DPP10: variants seen among roughly 807,000 people sequenced by gnomAD.
DPP10 encodes the protein inactive dipeptidyl peptidase 10.
A neutral mutation model predicts 120.9 loss-of-function variants in DPP10; 33 were observed. The ratio of observed to expected loss-of-function variants is 0.27; its 90% CI spans 0.21 to 0.37. The LOEUF is 0.37. DPP10 is among the 10% of genes least tolerant of loss of function. The pLI is 1.00. For missense variants in DPP10, 816 were observed against 942.8 expected, an observed-to-expected ratio of 0.87 and a Z score of 1.76; for synonymous variants, 337 against 326.1, an observed-to-expected ratio of 1.03 and a Z score of -0.36.
At chr2:115,325,430 A>G (rs1001077769) in intron 2 of DPP10, among the ~76,000 whole-genome samples, 12 of 152,274 alleles carry the variant, frequency 7.9e-5, no homozygotes, top group African/African-American at 2.2e-4. Context: ...ACATCTTTTG[A>G]GACTTGAATA....
intron 5 of DPP10, among the ~76,000 whole-genome samples, chr2:115,685,033 A>G (rs2090906442): frequency 6.6e-6 from 1 of 151,984 alleles, no homozygotes; most frequent in South Asian, 2.1e-4. Context: ...GATTGTAATC[A>G]GGCAGATCTT....
intron 1 of DPP10, among the ~76,000 whole-genome samples, chr2:114,530,486 G>A (rs924680818): frequency 1.3e-4 from 20 of 152,098 alleles, no homozygotes; most frequent in African/African-American, 4.8e-4. Context: ...TGAGGAGTTT[G>A]GGAATAAACA....
At chr2:114,553,076 T>A (rs1688015391) in intron 1 of DPP10, among the ~76,000 whole-genome samples, 1 of 152,258 alleles carries the variant, frequency 6.6e-6, no homozygotes, top group Admixed American at 6.5e-5. Flanking sequence ...TGATGTTGTT[T>A]AATTTCACTT....
intron 1 of DPP10, among the ~76,000 whole-genome samples, chr2:114,998,163 C>T (rs1574661065): frequency 6.6e-6 from 1 of 152,104 alleles, no homozygotes; most frequent in Non-Finnish European, 1.5e-5. Flanking sequence ...GTATTTTCAG[C>T]TTATTTTCTA....
In DPP10 at chr2:115,691,388, T is replaced by G. The variant is rs1398001798; in HGVS notation, c.576+1467T>G. On this transcript the variant is annotated intron_variant, in intron 7 of 25. Coordinates refer to ENST00000410059, the MANE Select transcript of DPP10 (RefSeq NM_020868.6). ...TTGATCCATCCATCTGAAATTGCTTTTTTTGGTATGGTATTAAGTCCCTAT... is the reference window on the plus strand; with the variant it reads ...TTGATCCATCCATCTGAAATTGCTTGTTTTGGTATGGTATTAAGTCCCTAT... 2.0e-5 allele frequency among the ~76,000 whole-genome samples: 3 copies of G among 152,308 alleles called. No homozygotes were observed. In the East Asian group the frequency reaches 5.8e-4, roughly 29 times the overall value.
At chr2:114,834,380 T>C (rs1486011942) in intron 1 of DPP10, among the ~76,000 whole-genome samples, 1 of 151,146 alleles carries the variant, frequency 6.6e-6, no homozygotes, top group African/African-American at 2.4e-5. Flanking sequence ...AAAAGACATA[T>C]CTACACACCT....
intron 1 of DPP10, among the ~76,000 whole-genome samples, chr2:115,036,962 C>G (rs1704265892): frequency 6.6e-6 from 1 of 152,072 alleles, no homozygotes; most frequent in Non-Finnish European, 1.5e-5. Context: ...CAGAGGAGGA[C>G]CAGGTGACTT....
intron 1 of DPP10, among the ~76,000 whole-genome samples, chr2:114,606,371 A>T (rs1558926619): frequency 1.3e-5 from 2 of 151,806 alleles, no homozygotes; most frequent in Admixed American, 6.6e-5. Flanking sequence ...CTACATGGAA[A>T]TTTTTTCTCT....
chr2:114,750,791 A>G (rs913602107), intron 1 of DPP10, among the ~76,000 whole-genome samples: 2 of 152,238 alleles, frequency 1.3e-5, no homozygotes, highest in African/African-American at 4.8e-5. Flanking sequence ...AAGGCTAACA[A>G]TAAAAATAAC....
At chr2:115,637,127 A>G (rs1488394294) in intron 5 of DPP10, among the ~76,000 whole-genome samples, 1 of 152,200 alleles carries the variant, frequency 6.6e-6, no homozygotes, top group African/African-American at 2.4e-5. Flanking sequence ...TATAATGTAA[A>G]CAGAAAAAAA....
intron 1 of DPP10, among the ~76,000 whole-genome samples, chr2:115,217,975 C>T (rs2056929535): frequency 6.6e-6 from 1 of 152,076 alleles, no homozygotes; most frequent in Non-Finnish European, 1.5e-5. Context: ...TGTGACCTTT[C>T]CTGTCATTAA....
At position 115,548,728 on chromosome 2, in the gene DPP10, T is replaced by G. The variant is rs75555778; in HGVS notation, c.441+22756T>G. 8.8e-3 allele frequency among the ~76,000 whole-genome samples: 1,342 copies of G among 152,248 alleles called. 30 individuals carry two copies. Among genetic ancestry groups the G allele is most frequent in the East Asian group, 0.049 (251 of 5,168 alleles). On this transcript the variant is annotated intron_variant, in intron 5 of 25. Transcript: ENST00000410059. The stretch of plus-strand genomic sequence containing the variant: ...ATAAACATCATAATGATGTTTGATA[T>G]GTCCATGATATAAACACATGTGAAA...
chr2:115,815,718 A>G lies in DPP10; in HGVS notation c.1939A>G (p.Ile647Val). ...LPYIDSKRLS[I>V]FGKGYGGYIA... Reference sequence around the variant, plus strand: ...TTACATTGACTCCAAAAGATTAAGCATTTTTGGAAAGGTAAATAGTAGAAA... The same window carrying G: ...TTACATTGACTCCAAAAGATTAAGCGTTTTTGGAAAGGTAAATAGTAGAAA... The change falls in exon 21 of 26, where the codon ATT (isoleucine) becomes GTT (valine). Residue 647 changes from isoleucine to valine, a missense_variant. Ile to Val is a conservative substitution (Grantham distance 29). Around this residue, in one of 3 missense-constraint regions of DPP10, gnomAD observed 592 missense variants for 649.0 expected, o/e 0.91. Coordinates refer to ENST00000410059, the MANE Select transcript of DPP10 (RefSeq NM_020868.6). The G allele has an allele frequency of 6.2e-7, 1 of 1,600,608 alleles. No homozygotes were observed.
intron 1 of DPP10, among the ~76,000 whole-genome samples, chr2:114,485,992 G>A (rs1383133806): frequency 6.6e-6 from 1 of 152,144 alleles, no homozygotes; most frequent in African/African-American, 2.4e-5. Context: ...AAGGTTGCTT[G>A]TACTCTCTGA....
At chr2:115,419,806 T>G (rs2069773117) in intron 3 of DPP10, among the ~76,000 whole-genome samples, 1 of 152,128 alleles carries the variant, frequency 6.6e-6, no homozygotes, top group African/African-American at 2.4e-5. Flanking sequence ...TAAAATATAT[T>G]TTAAAAATAT....
intron 1 of DPP10, among the ~76,000 whole-genome samples, chr2:114,494,831 G>A (rs982201754): frequency 2.0e-5 from 3 of 152,108 alleles, no homozygotes; most frequent in African/African-American, 7.2e-5. Context: ...TACTCCAAAA[G>A]GTTTGGTATT....
At chr2:115,376,244 G>A (rs1241973744) in intron 3 of DPP10, among the ~76,000 whole-genome samples, 6 of 151,824 alleles carry the variant, frequency 4.0e-5, no homozygotes. Flanking sequence ...AGATCTAATG[G>A]GAATGGTAAT....
chr2:115,546,153 T>C (rs991549117), intron 5 of DPP10, among the ~76,000 whole-genome samples: 1 of 152,188 alleles, frequency 6.6e-6, no homozygotes, highest in Admixed American at 6.6e-5. Context: ...CACTGATGAG[T>C]TCCATTCTCT....
intron 7 of DPP10, among the ~76,000 whole-genome samples, chr2:115,701,785 G>A (rs1284904281): frequency 6.6e-6 from 1 of 151,874 alleles, no homozygotes; most frequent in African/African-American, 2.4e-5. Context: ...AAAGCAACCT[G>A]ATTAATTCCA....
Sources: gnomAD v4.1 joint callset for allele counts (sites outside exome capture counted in the v4.1 genomes callset) on GRCh38, gnomAD v4.1.1 for gene constraint, gnomAD v4.1.1 regional missense constraint, MANE v1.5 for transcripts, NCBI Gene and HGNC (gene_info 2026-07-23, HGNC 2026-07-21) for gene names.